Variants in TENM3 observed in about 807,000 individuals in gnomAD.
TENM3 encodes the protein teneurin transmembrane protein 3.
Under a neutral mutation model 255.1 loss-of-function variants are expected in TENM3, and 63 were observed. The ratio of observed to expected loss-of-function variants is 0.25; its 90% CI spans 0.20 to 0.30. TENM3 has a LOEUF of 0.30. TENM3 is among the 10% of genes least tolerant of loss of function. The pLI is 1.00. For synonymous variants in TENM3, 1,306 were observed against 1,322.3 expected (o/e 0.99, Z 0.27); for missense variants, 2,929 against 3,461.1 (o/e 0.85, Z 3.86).
At chr4:181,889,676 G>A in the TENM3 span, among the ~76,000 whole-genome samples, 1 of 152,176 alleles carries the variant, frequency 6.6e-6, no homozygotes, top group Admixed American at 6.5e-5. Flanking sequence ...GCTTTGAACA[G>A]CAAAGATACA....
intron 1 of TENM3, among the ~76,000 whole-genome samples, chr4:182,201,450 G>A (rs1170749652): frequency 6.6e-6 from 1 of 152,176 alleles, no homozygotes; most frequent in East Asian, 1.9e-4. Flanking sequence ...GATGCTGTGT[G>A]ACAGGACAGG....
the TENM3 span, among the ~76,000 whole-genome samples, chr4:181,575,776 A>G: frequency 6.6e-6 from 1 of 152,096 alleles, no homozygotes; most frequent in African/African-American, 2.4e-5. Context: ...TTGTTTCCTG[A>G]CTTCCGCTGC....
intron 1 of TENM3, among the ~76,000 whole-genome samples, chr4:182,206,858 C>A (rs1483469001): frequency 6.6e-6 from 1 of 152,176 alleles, no homozygotes; most frequent in Non-Finnish European, 1.5e-5. Context: ...ATTCTCTAGA[C>A]TTCAAAATTC....
At chr4:181,579,925 G>A in the TENM3 span, among the ~76,000 whole-genome samples, 1 of 150,964 alleles carries the variant, frequency 6.6e-6, no homozygotes, top group African/African-American at 2.4e-5. Flanking sequence ...TCTAGGAGAA[G>A]TACCTACAAT....
chr4:181,538,645 T>C, the TENM3 span, among the ~76,000 whole-genome samples: 1 of 152,102 alleles, frequency 6.6e-6, no homozygotes, highest in Admixed American at 6.6e-5. Context: ...CAGGAAGAAG[T>C]GACACCTGAG....
At chr4:181,786,035 T>G in the TENM3 span, among the ~76,000 whole-genome samples, 1 of 152,332 alleles carries the variant, frequency 6.6e-6, no homozygotes, top group South Asian at 2.1e-4. Context: ...TATCTGATCT[T>G]ATCACATCAT....
At chr4:181,898,645 G>T in the TENM3 span, among the ~76,000 whole-genome samples, 1 of 152,030 alleles carries the variant, frequency 6.6e-6, no homozygotes, top group South Asian at 2.1e-4. Flanking sequence ...ATGTTTGAAG[G>T]TTTTCATATA....
At chr4:182,323,758 C>A (rs779936775) in intron 1 of TENM3, among the ~76,000 whole-genome samples, 188 bp from the exon 2 acceptor site, 1 of 152,114 alleles carries the variant, frequency 6.6e-6, no homozygotes, top group Non-Finnish European at 1.5e-5. Context: ...CAGCAGAAAG[C>A]GTGCTTCACC....
At chr4:182,444,857 A>G (rs543613464) in intron 3 of TENM3, among the ~76,000 whole-genome samples, 1 of 152,222 alleles carries the variant, frequency 6.6e-6, no homozygotes, top group African/African-American at 2.4e-5. Flanking sequence ...CTGGAATGCA[A>G]TGGCGCGATC....
At chr4:181,852,975 G>T in the TENM3 span, among the ~76,000 whole-genome samples, 1 of 152,152 alleles carries the variant, frequency 6.6e-6, no homozygotes, top group Non-Finnish European at 1.5e-5. Flanking sequence ...AATAATAAAA[G>T]CCAGGAACCA....
the TENM3 span, among the ~76,000 whole-genome samples, chr4:181,561,197 A>C: frequency 6.6e-6 from 1 of 152,026 alleles, no homozygotes; most frequent in Non-Finnish European, 1.5e-5. Context: ...CAGGTGATCC[A>C]CCCATCTCGG....
chr4:182,322,884 T>C (rs1763145445), intron 1 of TENM3, among the ~76,000 whole-genome samples: 1 of 152,236 alleles, frequency 6.6e-6, no homozygotes, highest in Admixed American at 6.5e-5. Flanking sequence ...TTGGGAACCA[T>C]TGATTTCAAG....
At chr4:182,197,801 G>A (rs1753921457) in intron 1 of TENM3, among the ~76,000 whole-genome samples, 1 of 152,164 alleles carries the variant, frequency 6.6e-6, no homozygotes, top group Admixed American at 6.5e-5. Flanking sequence ...CTCCCACTCA[G>A]CAAAGAGATA....
the TENM3 span, among the ~76,000 whole-genome samples, chr4:181,491,899 T>C: frequency 6.6e-6 from 1 of 152,154 alleles, no homozygotes; most frequent in Non-Finnish European, 1.5e-5. Flanking sequence ...TTCCTTAACT[T>C]ATTATAAAAA....
the TENM3 span, among the ~76,000 whole-genome samples, chr4:181,732,318 G>C: frequency 6.6e-6 from 1 of 152,142 alleles, no homozygotes; most frequent in Non-Finnish European, 1.5e-5. Flanking sequence ...CACCAAAACA[G>C]TTTCACCCAC....
intron 5 of TENM3, among the ~76,000 whole-genome samples, chr4:182,631,198 A>G (rs1751333049): frequency 6.6e-6 from 1 of 152,100 alleles, no homozygotes; most frequent in Non-Finnish European, 1.5e-5. Context: ...CAAATTATCT[A>G]GTTAATATAC....
the TENM3 span, among the ~76,000 whole-genome samples, chr4:181,743,335 C>G: frequency 6.6e-6 from 1 of 152,238 alleles, no homozygotes; most frequent in African/African-American, 2.4e-5. Context: ...TCTCCAGCAC[C>G]TGTTGTTTCC....
At chr4:182,602,805 A>T (rs2152416304) in intron 4 of TENM3, among the ~76,000 whole-genome samples, 1 of 152,324 alleles carries the variant, frequency 6.6e-6, no homozygotes, top group South Asian at 2.1e-4. Flanking sequence ...ATCAACACCG[A>T]TTCACTATTG....
At chr4:182,029,208 G>T in the TENM3 span, among the ~76,000 whole-genome samples, 2 of 152,058 alleles carry the variant, frequency 1.3e-5, no homozygotes, top group African/African-American at 4.8e-5. Context: ...AAGCAGGGGA[G>T]GTACTAAACC....
Sources: allele counts gnomAD v4.1 joint callset (sites outside exome capture counted in the v4.1 genomes callset), GRCh38; gene constraint gnomAD v4.1.1; transcripts MANE v1.5; gene names NCBI Gene and HGNC (gene_info 2026-07-23, HGNC 2026-07-21).